The following LRRC1 variants were observed in gnomAD, a reference collection of about 807,000 sequenced individuals.
LRRC1 encodes the protein leucine rich repeat containing 1.
A neutral mutation model predicts 69.9 loss-of-function variants in LRRC1; 28 were observed. The observed-to-expected ratio is 0.40, with a 90% CI of 0.30 to 0.55. The LOEUF is 0.55. LRRC1 is among the 20% of genes least tolerant of loss of function. The probability of loss-of-function intolerance (pLI) is 0.47; values close to 1 mark genes in which losing one functional copy is unlikely to be tolerated. For synonymous variants in LRRC1, 236 were observed against 240.2 expected (o/e 0.98, Z 0.16); for missense variants, 498 against 609.0 (o/e 0.82, Z 1.92).
At chr6:53,837,483 TTAGAATGTCTCTGGGAAGGAAATC>T (rs1404839917) in intron 1 of LRRC1, among the ~76,000 whole-genome samples, 1 of 152,270 alleles carries the variant, frequency 6.6e-6, no homozygotes, top group East Asian at 1.9e-4. Flanking sequence ...ATGTGATAGG[TTAGAATGTCTCTGGGAAGGAAATC>T]TGTGAGTAAA....
chr6:53,863,033 T>C (rs1766582613), intron 2 of LRRC1, among the ~76,000 whole-genome samples: 1 of 152,240 alleles, frequency 6.6e-6, no homozygotes, highest in African/African-American at 2.4e-5. Flanking sequence ...TAGTAAATAA[T>C]TCTAAATCAA....
At position 53,865,582 on chromosome 6, in the gene LRRC1, TTTTG is replaced by T. The variant is rs66936649; in HGVS notation, c.278-13405_278-13402del. Among the ~76,000 whole-genome samples, 817 of 152,204 alleles carry T rather than the reference TTTTG, an allele frequency of 5.4e-3. 4 individuals carry two copies. The highest frequency in any genetic ancestry group is 6.3e-3 in the Non-Finnish European group (428 of 68,014). On this transcript the variant is annotated intron_variant, in intron 2 of 13. Transcript: ENST00000370888. Reference sequence around the variant, plus strand: ...TACTATTTGTTTATGCCATATTATTTTTTGTTTGTCTCTGATTTGTTTTAACATC... The same window carrying T: ...TACTATTTGTTTATGCCATATTATTTTTTGTCTCTGATTTGTTTTAACATC...
chr6:53,894,133 C>T (rs1767792596), intron 4 of LRRC1, among the ~76,000 whole-genome samples: 1 of 152,210 alleles, frequency 6.6e-6, no homozygotes, highest in African/African-American at 2.4e-5. Context: ...ATGCCTCAGT[C>T]AGTGAGGGTG....
Position 53,851,282 on chromosome 6 carries a change from A to C in LRRC1, c.277+9055A>C, listed in dbSNP as rs559030774. Among the ~76,000 whole-genome samples the C allele has an allele frequency of 8.5e-5, 13 of 152,066 alleles. No individual in the cohort carries two copies. The East Asian group carries it at 2.1e-3, about 25-fold the overall frequency. ...TCTCTCTGAGACAGATTTATTAGGA[A>C]TTAATTCATATATTTCTGGGGACTG... On this transcript the variant is annotated intron_variant, in intron 2 of 13. Coordinates refer to ENST00000370888, the MANE Select transcript of LRRC1 (RefSeq NM_018214.5).
At chr6:53,827,470 G>A (rs573779668) in intron 1 of LRRC1, among the ~76,000 whole-genome samples, 1 of 152,280 alleles carries the variant, frequency 6.6e-6, no homozygotes, top group Admixed American at 6.5e-5. Context: ...TCTTGAAGGA[G>A]CAGAGGCAAA....
rs538996731 is a variant in LRRC1, at chr6:53,838,646, A to G, written c.160-3464A>G. Among the ~76,000 whole-genome samples, 13 of 152,332 alleles carry G rather than the reference A, an allele frequency of 8.5e-5. No homozygotes were observed. The East Asian group carries it at 1.7e-3, about 20-fold the overall frequency. On this transcript the variant is annotated intron_variant, in intron 1 of 13. Coordinates refer to ENST00000370888, the MANE Select transcript of LRRC1 (RefSeq NM_018214.5). Reference sequence around the variant, plus strand: ...ACTCTGTACAATTGGCATAAGCTCAATTATTCAAATACGTGACTCTATTGA... The same window carrying G: ...ACTCTGTACAATTGGCATAAGCTCAGTTATTCAAATACGTGACTCTATTGA...
intron 3 of LRRC1, among the ~76,000 whole-genome samples, chr6:53,880,308 TCTTA>T (rs1767247342): frequency 6.6e-6 from 1 of 152,170 alleles, no homozygotes; most frequent in Admixed American, 6.5e-5. Context: ...CTAATAGCTT[TCTTA>T]CTTATCACTG....
chr6:53,882,956 T>C lies in LRRC1; in HGVS notation c.426T>C (p.Ser142=). Residue 142 remains serine (S), a synonymous_variant, in exon 4 of 14, where the codon TCT becomes TCC. Transcript: ENST00000370888. ...CTGTAAATGACATCTCACTACAGTC[T>C]CTACCTGAAAATATTGGCAAGTAAG... ...CLSVNDISLQ[S]LPENIGNLYN... 1 of 1,610,332 alleles carries C rather than the reference T, an allele frequency of 6.2e-7. No homozygotes were observed. Among genetic ancestry groups the C allele is most frequent in the Non-Finnish European group, 8.5e-7 (1 of 1,178,478 alleles).
chr6:53,864,876 A>G lies in LRRC1; in HGVS notation c.278-14117A>G, dbSNP rs567883856. ...AGTGACACCAGCTGTCAGGTGACTA[A>G]TTTTAACAAAGCCTTCTTTGAGCAA... On this transcript the variant is annotated intron_variant, in intron 2 of 13. Coordinates refer to ENST00000370888, the MANE Select transcript of LRRC1 (RefSeq NM_018214.5). 2.4e-4 allele frequency among the ~76,000 whole-genome samples: 36 copies of G among 152,280 alleles called. No individual in the cohort carries two copies. The South Asian group carries it at 7.5e-3, about 32-fold the overall frequency.
chr6:53,896,670 TGCCA>T, intron 5 of LRRC1, 116 bp downstream of exon 5: 5 of 1,085,502 alleles, frequency 4.6e-6, no homozygotes, highest in Non-Finnish European at 6.9e-6. Context: ...GTTTGGGGGA[TGCCA>T]GCCGGCCTTT....
At chr6:53,807,016 T>G (rs1764652602) in intron 1 of LRRC1, among the ~76,000 whole-genome samples, 2 of 100,266 alleles carry the variant, frequency 2.0e-5, no homozygotes, top group South Asian at 5.4e-4. Flanking sequence ...GTTTGAAACT[T>G]CCCTTTATGT....
At chr6:53,799,241 T>G (rs909200555) in intron 1 of LRRC1, among the ~76,000 whole-genome samples, 1 of 152,258 alleles carries the variant, frequency 6.6e-6, no homozygotes, top group East Asian at 1.9e-4. Flanking sequence ...ATATTCTGCT[T>G]TATTTTTTCC....
chr6:53,800,673 T>C (rs188028656), intron 1 of LRRC1, among the ~76,000 whole-genome samples: 2 of 152,086 alleles, frequency 1.3e-5, no homozygotes, highest in East Asian at 1.9e-4. Context: ...GGAATCTCAC[T>C]CTGTCGCCCA....
At chr6:53,829,037 G>C (rs1176969653) in intron 1 of LRRC1, among the ~76,000 whole-genome samples, 1 of 152,188 alleles carries the variant, frequency 6.6e-6, no homozygotes, top group Non-Finnish European at 1.5e-5. Context: ...CTGAAAACCT[G>C]TATTTACTGT....
intron 1 of LRRC1, among the ~76,000 whole-genome samples, chr6:53,836,537 T>G (rs762379595): frequency 6.6e-6 from 1 of 152,184 alleles, no homozygotes; most frequent in Non-Finnish European, 1.5e-5. Flanking sequence ...TCTAATGCCA[T>G]TGCTCTTTAA....
In LRRC1 at chr6:53,902,651, C is replaced by G. The variant is rs368713717; in HGVS notation, c.810C>G (p.Ile270Met). 5.0e-6 allele frequency: 8 copies of G among 1,601,588 alleles called. No individual in the cohort carries two copies. In the African/African-American group the frequency reaches 9.4e-5, roughly 19 times the overall value. Reference protein sequence around the residue: ...DGIGKLKKLSILKVDQNRLTQ... With the variant: ...DGIGKLKKLSMLKVDQNRLTQ... ...CAGGAAAACTAAAGAAACTGTCAAT[C>G]TTGAAGGTGGATCAGAATAGACTCA... The change falls in exon 9 of 14, where the codon ATC becomes ATG. Residue 270 changes from isoleucine (I) to methionine (M), a missense_variant. Coordinates refer to ENST00000370888, the MANE Select transcript of LRRC1 (RefSeq NM_018214.5).
chr6:53,902,555 G>T, intron 8 of LRRC1, 74 bp from the exon 9 acceptor site: 1 of 900,690 alleles, frequency 1.1e-6, no homozygotes, highest in Non-Finnish European at 1.7e-6. Context: ...CAGCAGATAG[G>T]AAATTCCAAG....
chr6:53,829,319 G>A (rs1322244795), intron 1 of LRRC1, among the ~76,000 whole-genome samples: 1 of 152,248 alleles, frequency 6.6e-6, no homozygotes, highest in Non-Finnish European at 1.5e-5. Context: ...GATTATGTAT[G>A]TAGAGTGCCT....
chr6:53,795,448 C>A (rs375119415), intron 1 of LRRC1, 33 bp downstream of exon 1: 4 of 1,587,226 alleles, frequency 2.5e-6, no homozygotes, highest in East Asian at 2.3e-5. Context: ...GCGCTCTGCC[C>A]GCTCGTCTGC....
Sources: allele counts gnomAD v4.1 joint callset (sites outside exome capture counted in the v4.1 genomes callset), GRCh38; gene constraint gnomAD v4.1.1; transcripts MANE v1.5; gene names NCBI Gene and HGNC (gene_info 2026-07-23, HGNC 2026-07-21).